The following DLGAP2 variants were observed in gnomAD, a reference collection of about 807,000 sequenced individuals.
DLGAP2 encodes disks large-associated protein 2.
A neutral mutation model predicts 100.3 loss-of-function variants in DLGAP2; 26 were observed. The ratio of observed to expected loss-of-function variants is 0.26; its 90% CI spans 0.19 to 0.36. The LOEUF is 0.36. Ranked by LOEUF, DLGAP2 falls within the 10% of genes least tolerant of loss-of-function variation. DLGAP2 has a pLI of 1.00. For synonymous variants in DLGAP2, 886 were observed against 630.1 expected, an observed-to-expected ratio of 1.41 and a Z score of -6.08; for missense variants, 1,858 against 1,453.2, an observed-to-expected ratio of 1.28 and a Z score of -4.53.
At chr8:1,441,652 C>A (rs1353792021) in intron 3 of DLGAP2, among the ~76,000 whole-genome samples, 2 of 147,476 alleles carry the variant, frequency 1.4e-5, no homozygotes, top group African/African-American at 5.1e-5. Flanking sequence ...CACACCACTG[C>A]ACTCCAGCCT....
In DLGAP2 at chr8:1,323,246, T is replaced by A. The variant is rs1585259361; in HGVS notation, c.106+64363T>A. Among the ~76,000 whole-genome samples, 3 of 152,196 alleles carry A rather than the reference T, an allele frequency of 2.0e-5. No homozygotes were observed. In the East Asian group the frequency reaches 5.8e-4, roughly 29 times the overall value. Reference sequence around the variant, plus strand: ...GGTTTCATTGTGTTGCCCAGGCTGGTCTTGAACTCCTGAGGTCAGGCAATC... The same window carrying A: ...GGTTTCATTGTGTTGCCCAGGCTGGACTTGAACTCCTGAGGTCAGGCAATC... On this transcript the variant is annotated intron_variant, in intron 3 of 14. Transcript: ENST00000637795.
chr8:1,537,798 AATGG>A (rs1488300108), intron 4 of DLGAP2, among the ~76,000 whole-genome samples: 1 of 151,256 alleles, frequency 6.6e-6, no homozygotes, highest in Non-Finnish European at 1.5e-5. Context: ...CAAATGGATA[AATGG>A]ATGGATGGAG....
At chr8:1,442,004 C>G (rs772389265) in intron 3 of DLGAP2, among the ~76,000 whole-genome samples, 56 of 152,152 alleles carry the variant, frequency 3.7e-4, no homozygotes, top group Non-Finnish European at 7.1e-4. Flanking sequence ...CAAACTAACA[C>G]AGGAAGAGCG....
intron 3 of DLGAP2, among the ~76,000 whole-genome samples, chr8:1,363,361 C>T (rs556619613): frequency 4.9e-4 from 75 of 151,968 alleles, no homozygotes; most frequent in Non-Finnish European, 8.8e-4. Context: ...TCTGCCTCGC[C>T]GGTCCCACGT....
At chr8:1,135,704 A>T (rs941359068) in intron 2 of DLGAP2, among the ~76,000 whole-genome samples, 2 of 152,084 alleles carry the variant, frequency 1.3e-5, no homozygotes, top group Admixed American at 1.3e-4. Flanking sequence ...CCTTCGTTTG[A>T]AAAAAGCCAA....
intron 2 of DLGAP2, among the ~76,000 whole-genome samples, chr8:1,211,065 T>C (rs1324542446): frequency 6.6e-6 from 1 of 152,210 alleles, no homozygotes; most frequent in Non-Finnish European, 1.5e-5. Flanking sequence ...GCCTTGGGCA[T>C]GTGGAGATCA....
intron 3 of DLGAP2, among the ~76,000 whole-genome samples, chr8:1,312,478 C>T (rs745722645): frequency 6.6e-6 from 1 of 152,100 alleles, no homozygotes; most frequent in Non-Finnish European, 1.5e-5. Context: ...AACTCTTAAG[C>T]AACAAGAAGA....
At chr8:1,414,969 C>T (rs772008654) in intron 3 of DLGAP2, among the ~76,000 whole-genome samples, 7 of 151,940 alleles carry the variant, frequency 4.6e-5, no homozygotes, top group Non-Finnish European at 1.0e-4. Context: ...AGGTCATGCC[C>T]CTGCACTCGA....
chr8:973,866 C>G (rs1563122479), intron 2 of DLGAP2, among the ~76,000 whole-genome samples: 51 of 149,450 alleles, frequency 3.4e-4, no homozygotes, highest in Admixed American at 2.7e-3. Flanking sequence ...GCTGCGACCA[C>G]GGGCCAGGCC....
chr8:845,327 A>G (rs913010964), intron 1 of DLGAP2, among the ~76,000 whole-genome samples: 7 of 152,060 alleles, frequency 4.6e-5, no homozygotes, highest in African/African-American at 7.2e-5. Flanking sequence ...TTTTTATTCT[A>G]TCCATCCTAA....
chr8:1,048,521 C>T (rs922426407), intron 2 of DLGAP2, among the ~76,000 whole-genome samples: 2 of 151,792 alleles, frequency 1.3e-5, no homozygotes, highest in African/African-American at 4.8e-5. Context: ...CTCCGCAAGG[C>T]CCCTGCTGTG....
Position 1,549,609 on chromosome 8 carries a change from A to C in DLGAP2, c.1156A>C (p.Ser386Arg). 6.3e-7 allele frequency: 1 copy of C among 1,593,448 alleles called. No individual in the cohort carries two copies. The highest frequency in any genetic ancestry group is 8.5e-7 in the Non-Finnish European group (1 of 1,172,476). Residue 386 changes from serine (S) to arginine (R), a missense_variant, in exon 5 of 15, where the codon AGC becomes CGC. By Grantham distance (110) the Ser-to-Arg change is moderately radical. Coordinates refer to ENST00000637795, the MANE Select transcript of DLGAP2 (RefSeq NM_001346810.2). ...CCAGGCCAAGGAGGCCTACCGCAAGAGCTCGCTGAACCTGGACAAGCCGCT... is the reference window on the plus strand; with the variant it reads ...CCAGGCCAAGGAGGCCTACCGCAAGCGCTCGCTGAACCTGGACAAGCCGCT... ...VSQAKEAYRKSSLNLDKPLLH... is the reference protein window; with the variant it reads ...VSQAKEAYRKRSLNLDKPLLH...
At chr8:1,679,979 C>CAAAAAAAA (rs760100523) in intron 12 of DLGAP2, among the ~76,000 whole-genome samples, 1 of 63,516 alleles carries the variant, frequency 1.6e-5, no homozygotes, top group Non-Finnish European at 2.9e-5. Flanking sequence ...GACTCTGTCT[C>CAAAAAAAA]AAAAAAAAAA....
chr8:997,341 G>A (rs539096169), intron 2 of DLGAP2, among the ~76,000 whole-genome samples: 5 of 152,168 alleles, frequency 3.3e-5, no homozygotes, highest in Admixed American at 2.0e-4. Context: ...TGGGGAGCCC[G>A]GATCATTTTA....
intron 3 of DLGAP2, among the ~76,000 whole-genome samples, chr8:1,346,830 G>A (rs974923896): frequency 4.1e-5 from 6 of 145,826 alleles, no homozygotes; most frequent in Non-Finnish European, 7.5e-5. Flanking sequence ...CCCATACAGA[G>A]CTGCATTGCA....
chr8:792,774 A>T (rs113563690), intron 1 of DLGAP2, among the ~76,000 whole-genome samples: 144 of 152,358 alleles, frequency 9.5e-4, no homozygotes, highest in African/African-American at 3.4e-3. Context: ...GAATGAAATA[A>T]TAACCGTTTT....
chr8:1,208,338 T>G (rs1331559574), intron 2 of DLGAP2, among the ~76,000 whole-genome samples: 1 of 152,162 alleles, frequency 6.6e-6, no homozygotes, highest in Non-Finnish European at 1.5e-5. Flanking sequence ...CCCGCTTATG[T>G]TTTTGTTTGG....
At chr8:1,302,978 A>T (rs992930283) in intron 3 of DLGAP2, among the ~76,000 whole-genome samples, 1 of 152,238 alleles carries the variant, frequency 6.6e-6, no homozygotes, top group African/African-American at 2.4e-5. Context: ...CGCAGGAGTC[A>T]TTCCTTAGCT....
intron 3 of DLGAP2, among the ~76,000 whole-genome samples, chr8:1,290,799 G>A (rs1800040509): frequency 6.6e-6 from 1 of 152,214 alleles, no homozygotes; most frequent in South Asian, 2.1e-4. Flanking sequence ...GCTTGGAGCT[G>A]TCAACATAAA....
Sources: allele counts gnomAD v4.1 joint callset (sites outside exome capture counted in the v4.1 genomes callset), GRCh38; gene constraint gnomAD v4.1.1; transcripts MANE v1.5; gene names NCBI Gene and HGNC (gene_info 2026-07-23, HGNC 2026-07-21).